The following LYRM4 variants were observed in gnomAD, a reference collection of about 807,000 sequenced individuals.
LYRM4 encodes LYR motif containing 4, also known as LYR motif-containing protein 4.
LYRM4 carries 9 observed loss-of-function variants against 11.7 expected under a neutral mutation model. The observed-to-expected ratio is 0.77, with a 90% confidence interval of 0.46 to 1.34. The LOEUF (loss-of-function observed/expected upper bound fraction) is 1.34, where lower values mean the gene tolerates loss of function less well. Ranked by LOEUF, LYRM4 falls within the 40% of genes most tolerant of loss-of-function variation. The probability of loss-of-function intolerance (pLI) is 0.00; values close to 1 mark genes in which losing one functional copy is unlikely to be tolerated. For missense variants in LYRM4, 133 were observed against 112.5 expected, an observed-to-expected ratio of 1.18 and a Z score of -0.82; for synonymous variants, 42 against 40.4, an observed-to-expected ratio of 1.04 and a Z score of -0.15.
intron 1 of LYRM4, 29 bp downstream of exon 1, chr6:5,260,619 C>G: frequency 1.3e-6 from 2 of 1,501,018 alleles, no homozygotes; most frequent in Non-Finnish European, 1.8e-6. Context: ...TGGCCCCCCG[C>G]CCCCGGCCCC....
At chr6:5,257,780 C>T (rs772038855) in intron 1 of LYRM4, among the ~76,000 whole-genome samples, 6 of 152,122 alleles carry the variant, frequency 3.9e-5, no homozygotes, top group Admixed American at 1.3e-4. Flanking sequence ...TCCCTTGACC[C>T]GGTCCATGGA....
chr6:5,101,968 C>CATTTT (rs556454653), downstream of LYRM4, among the ~76,000 whole-genome samples: 17 of 67,988 alleles, frequency 2.5e-4, no homozygotes, highest in African/African-American at 7.3e-4. Flanking sequence ...CTAATGCTTT[C>CATTTT]TTTTTTTTTT....
chr6:5,216,665 T>C lies in LYRM4; in HGVS notation c.160A>G (p.Thr54Ala). 1 of 1,614,052 alleles carries C rather than the reference T, an allele frequency of 6.2e-7. No homozygotes were observed. Among genetic ancestry groups the C allele is most frequent in the Non-Finnish European group, 8.5e-7 (1 of 1,179,986 alleles). Residue 54 changes from threonine to alanine, a missense_variant, in exon 2 of 3, where the codon ACC (threonine) becomes GCC (alanine). By Grantham distance (58) the Thr-to-Ala change is moderately conservative (BLOSUM62 0). Transcript: ENST00000330636. ...KNVKDPVEIQ[T>A]LVNKAKRDLG... ...TCTCTCTTGGCTTTATTCACTAGGGTTTGAATTTCTACAGGATCCTTTACA... is the reference window on the plus strand; with the variant it reads ...TCTCTCTTGGCTTTATTCACTAGGGCTTGAATTTCTACAGGATCCTTTACA...
At chr6:5,192,242 C>T (rs971872240) in intron 2 of LYRM4, among the ~76,000 whole-genome samples, 1 of 152,138 alleles carries the variant, frequency 6.6e-6, no homozygotes, top group Non-Finnish European at 1.5e-5. Context: ...AGTGCTGCTA[C>T]TTCTGACTGA....
chr6:5,196,202 C>T (rs1328876447), intron 2 of LYRM4, among the ~76,000 whole-genome samples: 1 of 152,148 alleles, frequency 6.6e-6, no homozygotes, highest in East Asian at 1.9e-4. Flanking sequence ...TTTCCAGTCC[C>T]CATCATCTGG....
the LYRM4 span, among the ~76,000 whole-genome samples, chr6:5,047,358 G>A: frequency 6.6e-6 from 1 of 152,174 alleles, no homozygotes; most frequent in Non-Finnish European, 1.5e-5. Context: ...AAACCAGGAT[G>A]GTTGGTCACC....
At chr6:5,178,804 C>CAAAA (rs56880549) in intron 2 of LYRM4, among the ~76,000 whole-genome samples, 324 of 29,992 alleles carry the variant, frequency 0.011, 102 homozygotes, top group Non-Finnish European at 0.014. Flanking sequence ...GACTCTGTCT[C>CAAAA]AAAAAAAAAA....
intron 1 of LYRM4, among the ~76,000 whole-genome samples, chr6:5,245,104 AAAAAAAAAAATATATATAT>A (rs1264312670): frequency 1.1e-4 from 6 of 57,106 alleles, no homozygotes; most frequent in African/African-American, 3.2e-4. Context: ...AAAAAAAAAA[AAAAAAAAAAATATATATAT>A]ATATATATAT....
At chr6:5,214,901 C>T (rs1302909906) in intron 2 of LYRM4, among the ~76,000 whole-genome samples, 2 of 151,564 alleles carry the variant, frequency 1.3e-5, no homozygotes, top group African/African-American at 2.4e-5. Context: ...GCAAGGTCGC[C>T]GTGTGTATTC....
chr6:5,181,568 C>T (rs1760076531), intron 2 of LYRM4, among the ~76,000 whole-genome samples: 1 of 152,214 alleles, frequency 6.6e-6, no homozygotes, highest in Non-Finnish European at 1.5e-5. Flanking sequence ...CTCCTCTTCA[C>T]CACCACACTG....
Position 5,248,628 on chromosome 6 carries a change from T to C in LYRM4, c.86+12020A>G, listed in dbSNP as rs191194124. On this transcript the variant is annotated intron_variant, in intron 1 of 2. Transcript: ENST00000330636. ...TCTGCTCCTGCCTCCCTTCCCCAGC[T>C]AGTCCCTACTAGCCCTTCACAGCTC... 3.3e-5 allele frequency among the ~76,000 whole-genome samples: 5 copies of C among 152,366 alleles called. No homozygotes were observed. In the East Asian group the frequency reaches 9.6e-4, roughly 29 times the overall value.
intron 2 of LYRM4, 32 bp downstream of exon 2, chr6:5,216,586 A>C (rs1432749294): frequency 6.2e-7 from 1 of 1,612,884 alleles, no homozygotes; most frequent in South Asian, 1.1e-5. Context: ...AAAGCTCTTA[A>C]TGAAAAACAG....
chr6:5,242,057 T>A (rs1763912101), intron 1 of LYRM4, among the ~76,000 whole-genome samples: 1 of 151,784 alleles, frequency 6.6e-6, no homozygotes, highest in Non-Finnish European at 1.5e-5. Flanking sequence ...CAGTTATAAT[T>A]TCCTGGCTTG....
chr6:5,221,175 C>A (rs1762556158), intron 1 of LYRM4, among the ~76,000 whole-genome samples: 1 of 152,138 alleles, frequency 6.6e-6, no homozygotes, highest in African/African-American at 2.4e-5. Flanking sequence ...ATTCTGCTGC[C>A]CCTTACATGC....
At chr6:5,245,707 A>G (rs1392322570) in intron 1 of LYRM4, among the ~76,000 whole-genome samples, 1 of 152,222 alleles carries the variant, frequency 6.6e-6, no homozygotes, top group East Asian at 1.9e-4. Context: ...TCAGATCAGA[A>G]CAAAATAAAT....
In LYRM4 at chr6:5,209,812, A is replaced by G. The variant is rs534779293; in HGVS notation, c.207+6806T>C. 2.0e-5 allele frequency among the ~76,000 whole-genome samples: 3 copies of G among 152,334 alleles called. No homozygotes were observed. In the South Asian group the frequency reaches 6.2e-4, roughly 32 times the overall value. ...ACATAGCTGAGAAGCCAACCAGGGA[A>G]CAGGGAGAAATCAAACCAAGACACT... On this transcript the variant is annotated intron_variant, in intron 2 of 2. Transcript: ENST00000330636.
the LYRM4 span, among the ~76,000 whole-genome samples, chr6:5,071,620 G>GTA: frequency 1.5e-4 from 22 of 151,676 alleles, no homozygotes; most frequent in South Asian, 6.3e-4. Flanking sequence ...GTGTGTGTAT[G>GTA]TATATATATA....
chr6:5,044,189 T>G, the LYRM4 span, among the ~76,000 whole-genome samples: 1 of 152,102 alleles, frequency 6.6e-6, no homozygotes, highest in Non-Finnish European at 1.5e-5. Flanking sequence ...AGTGCAGTGG[T>G]ACGATCTTGG....
chr6:5,173,187 C>T (rs1225287173), intron 2 of LYRM4, among the ~76,000 whole-genome samples: 1 of 152,214 alleles, frequency 6.6e-6, no homozygotes, highest in Non-Finnish European at 1.5e-5. Context: ...GTCCTTCTTT[C>T]TTTCAATATG....
Sources: allele counts gnomAD v4.1 joint callset (sites outside exome capture counted in the v4.1 genomes callset), GRCh38; gene constraint gnomAD v4.1.1; transcripts MANE v1.5; gene names NCBI Gene and HGNC (gene_info 2026-07-23, HGNC 2026-07-21).